TNR: variants seen among roughly 807,000 people sequenced by gnomAD.
TNR encodes the protein tenascin-R.
TNR carries 45 observed loss-of-function variants against 150.4 expected under a neutral mutation model. The ratio of observed to expected loss-of-function variants is 0.30; its 90% CI spans 0.24 to 0.38. The LOEUF (loss-of-function observed/expected upper bound fraction) is 0.38. Among genes scored for constraint, TNR ranks in the 10% least tolerant of loss-of-function variants. The pLI, the probability that TNR is intolerant of heterozygous loss-of-function variation, is 1.00. For missense variants in TNR, 1,544 were observed against 1,759.1 expected (o/e 0.88, Z 2.19); for synonymous variants, 687 against 678.4 (o/e 1.01, Z -0.20).
At chr1:175,362,093 G>A (rs1011661087) in intron 14 of TNR, among the ~76,000 whole-genome samples, 1 of 152,226 alleles carries the variant, frequency 6.6e-6, no homozygotes, top group African/African-American at 2.4e-5. Context: ...TCAGAGACAT[G>A]AGCTACACGG....
chr1:175,411,949 G>A (rs185246185), intron 2 of TNR, among the ~76,000 whole-genome samples: 69 of 152,214 alleles, frequency 4.5e-4, no homozygotes, highest in Non-Finnish European at 5.9e-4. Context: ...AGCTACAGAA[G>A]AGTGATATTT....
chr1:175,729,541 C>A (rs1667576405), intron 1 of TNR, among the ~76,000 whole-genome samples: 1 of 152,076 alleles, frequency 6.6e-6, no homozygotes, highest in South Asian at 2.1e-4. Flanking sequence ...CGATCCCCTA[C>A]CTCAACCTCC....
In TNR at chr1:175,365,923, C is replaced by G. The variant is rs1651818802; in HGVS notation, c.2269G>C (p.Glu757Gln). Residue 757 changes from glutamate (E) to glutamine (Q), a missense_variant, in exon 11 of 23, where the codon GAG (glutamate) becomes CAG (glutamine). Around this residue, in one of 2 missense-constraint regions of TNR, gnomAD observed 1,254 missense variants for 1,329.4 expected, o/e 0.94. Transcript: ENST00000367674. ...TCCAAGCTCTGCTGCCGACCCCTCT[C>G]AGCAGTGACGGAAATGATGTACTCT... ...GAEYIISVTA[E>Q]RGRQQSLEST... 9.3e-6 allele frequency: 15 copies of G among 1,614,084 alleles called. No individual in the cohort carries two copies. The highest frequency in any genetic ancestry group is 1.3e-5 in the Non-Finnish European group (15 of 1,179,970).
intron 2 of TNR, among the ~76,000 whole-genome samples, chr1:175,416,748 C>G (rs925738288): frequency 1.3e-5 from 2 of 152,138 alleles, no homozygotes; most frequent in Non-Finnish European, 1.5e-5. Context: ...GTGGCTCACG[C>G]CTGTAATCCC....
chr1:175,396,597 T>C lies in TNR; in HGVS notation c.1187A>G (p.Tyr396Cys), dbSNP rs201210452. The change falls in exon 5 of 23, where the codon TAC becomes TGC. Residue 396 changes from tyrosine (Y) to cysteine (C), a missense_variant. By Grantham distance (194) the Tyr-to-Cys change is radical. This residue lies in a region of TNR where 1,254 missense variants were observed against 1,329.4 expected (regional missense o/e 0.94). Coordinates refer to ENST00000367674, the MANE Select transcript of TNR (RefSeq NM_003285.3). ...GCTGAGGATGTTGCTAATGACAGCGTAGACGCTGATGTTGTAGGTGAGACC... is the reference window on the plus strand; with the variant it reads ...GCTGAGGATGTTGCTAATGACAGCGCAGACGCTGATGTTGTAGGTGAGACC... ...EPGLTYNISV[Y>C]AVISNILSLP... 21 of 1,614,104 alleles carry C rather than the reference T, an allele frequency of 1.3e-5. No individual in the cohort carries two copies. The highest frequency in any genetic ancestry group is 1.8e-5 in the Non-Finnish European group (21 of 1,180,038).
intron 1 of TNR, among the ~76,000 whole-genome samples, chr1:175,534,523 G>T (rs773535362): frequency 6.6e-6 from 1 of 152,232 alleles, no homozygotes; most frequent in Non-Finnish European, 1.5e-5. Flanking sequence ...CACTGCCCAA[G>T]TGCATCAGGG....
intron 18 of TNR, among the ~76,000 whole-genome samples, chr1:175,348,239 C>T (rs1650892389): frequency 6.6e-6 from 1 of 152,066 alleles, no homozygotes; most frequent in Admixed American, 6.5e-5. Flanking sequence ...ACTTACAACT[C>T]TATTAAAAAA....
chr1:175,676,225 C>T (rs182383869), intron 1 of TNR, among the ~76,000 whole-genome samples: 43 of 152,242 alleles, frequency 2.8e-4, no homozygotes, highest in Admixed American at 5.2e-4. Flanking sequence ...CAGTTGTCTG[C>T]ATTAATCCCC....
chr1:175,561,201 TC>T (rs1661412450), intron 1 of TNR, among the ~76,000 whole-genome samples: 1 of 152,236 alleles, frequency 6.6e-6, no homozygotes, highest in Non-Finnish European at 1.5e-5. Context: ...TGTTTCTCTT[TC>T]CATCCTTTCT....
At chr1:175,349,146 G>A (rs1650937261) in intron 18 of TNR, among the ~76,000 whole-genome samples, 1 of 152,188 alleles carries the variant, frequency 6.6e-6, no homozygotes, top group South Asian at 2.1e-4. Flanking sequence ...CACTGTTGGA[G>A]GGAGTGTAGA....
At chr1:175,602,945 C>T (rs1334819624) in intron 1 of TNR, among the ~76,000 whole-genome samples, 2 of 152,022 alleles carry the variant, frequency 1.3e-5, no homozygotes, top group African/African-American at 2.4e-5. Flanking sequence ...TTTTCTTTGT[C>T]TTCTTCTCCT....
intron 1 of TNR, among the ~76,000 whole-genome samples, chr1:175,585,432 G>T (rs1333219420): frequency 1.3e-5 from 2 of 152,200 alleles, no homozygotes; most frequent in East Asian, 3.8e-4. Flanking sequence ...ACATTATCTT[G>T]TTAATTCTCA....
chr1:175,422,989 G>A (rs959588290), intron 2 of TNR, among the ~76,000 whole-genome samples: 7 of 152,314 alleles, frequency 4.6e-5, no homozygotes, highest in African/African-American at 1.7e-4. Context: ...CAGGTCACCT[G>A]CTTTGGAGAC....
At chr1:175,385,928 C>T in intron 8 of TNR, 104 bp downstream of exon 8, 1 of 1,343,230 alleles carries the variant, frequency 7.4e-7, no homozygotes, top group Non-Finnish European at 1.0e-6. Flanking sequence ...AATGCTCTGA[C>T]ACACCTTGCC....
chr1:175,650,722 C>CTCACTACTAATCTCT (rs1558054575), intron 1 of TNR, among the ~76,000 whole-genome samples: 1 of 572 alleles, frequency 1.7e-3, no homozygotes, highest in Non-Finnish European at 3.3e-3. Flanking sequence ...CTCCCCCTAC[C>CTCACTACTAATCTCT]CCTCCCCGCC....
At chr1:175,379,385 C>A (rs528918451) in intron 9 of TNR, among the ~76,000 whole-genome samples, 167 bp downstream of exon 9, 1 of 152,250 alleles carries the variant, frequency 6.6e-6, no homozygotes, top group Non-Finnish European at 1.5e-5. Flanking sequence ...TAGCTTAGAA[C>A]AGGTGATGGC....
At chr1:175,739,811 C>A (rs549016634) in intron 1 of TNR, among the ~76,000 whole-genome samples, 27 of 152,300 alleles carry the variant, frequency 1.8e-4, no homozygotes, top group African/African-American at 6.0e-4. Flanking sequence ...CTCTTTCTTT[C>A]TTTACTAAGC....
chr1:175,667,218 C>A (rs879357535), intron 1 of TNR, among the ~76,000 whole-genome samples: 1 of 152,336 alleles, frequency 6.6e-6, no homozygotes, highest in African/African-American at 2.4e-5. Flanking sequence ...ATCCTCTGTG[C>A]TCTCCCCACA....
chr1:175,539,690 G>T (rs978282561), intron 1 of TNR, among the ~76,000 whole-genome samples: 3 of 152,166 alleles, frequency 2.0e-5, no homozygotes, highest in Non-Finnish European at 2.9e-5. Context: ...AATCAAGAAG[G>T]CATATCCTGA....
Sources: gnomAD v4.1 joint callset for allele counts (sites outside exome capture counted in the v4.1 genomes callset) on GRCh38, gnomAD v4.1.1 for gene constraint, gnomAD v4.1.1 regional missense constraint, MANE v1.5 for transcripts, NCBI Gene and HGNC (gene_info 2026-07-23, HGNC 2026-07-21) for gene names.